Variants in RORA observed in about 807,000 individuals in gnomAD.
RORA encodes nuclear receptor ROR-alpha.
Under a neutral mutation model 69.5 loss-of-function variants are expected in RORA, and 7 were observed. That is an observed-to-expected ratio of 0.10 (90% CI 0.06 to 0.19). The LOEUF (loss-of-function observed/expected upper bound fraction) is 0.19, where lower values mean the gene tolerates loss of function less well. RORA is among the 10% of genes least tolerant of loss of function. The pLI is 1.00. For missense variants in RORA, 457 were observed against 663.0 expected (o/e 0.69, Z 3.41); for synonymous variants, 261 against 240.8 (o/e 1.08, Z -0.78).
chr15:60,764,407 C>T (rs145909795), intron 1 of RORA, among the ~76,000 whole-genome samples: 244 of 152,170 alleles, frequency 1.6e-3, no homozygotes, highest in African/African-American at 5.6e-3. Flanking sequence ...TTTTAGGGTT[C>T]TCTCAGCTCG....
chr15:60,979,753 T>C (rs757601168), intron 1 of RORA, among the ~76,000 whole-genome samples: 8 of 150,050 alleles, frequency 5.3e-5, no homozygotes, highest in Non-Finnish European at 4.5e-5. Flanking sequence ...TGTGTGCACG[T>C]GTGTGTTTCT....
intron 1 of RORA, among the ~76,000 whole-genome samples, chr15:61,177,490 T>C (rs1462221597): frequency 2.0e-5 from 3 of 152,202 alleles, no homozygotes; most frequent in Non-Finnish European, 4.4e-5. Flanking sequence ...TGCACACATG[T>C]TTACAACGAT....
intron 1 of RORA, among the ~76,000 whole-genome samples, chr15:60,734,962 G>A (rs1442288215): frequency 6.6e-6 from 1 of 152,108 alleles, no homozygotes; most frequent in African/African-American, 2.4e-5. Flanking sequence ...GACAACCATG[G>A]GCAGCACAGT....
chr15:60,591,727 C>T (rs1425698919), intron 2 of RORA, among the ~76,000 whole-genome samples: 3 of 152,128 alleles, frequency 2.0e-5, no homozygotes, highest in Non-Finnish European at 2.9e-5. Context: ...CTGGGCCGCC[C>T]AGAGCGTCTT....
chr15:61,160,715 C>G (rs990066653), intron 1 of RORA, among the ~76,000 whole-genome samples: 3 of 152,058 alleles, frequency 2.0e-5, no homozygotes, highest in Non-Finnish European at 4.4e-5. Context: ...TATTTTAGAG[C>G]TATCATAATT....
At position 60,557,999 on chromosome 15, in the gene RORA, T is replaced by C. The variant is rs990556593; in HGVS notation, c.197-26148A>G. ...GTCATCAGAAATTTTATTTTAAAAT[T>C]TATTAGAAATTTGGAGAGCAGGATG... On this transcript the variant is annotated intron_variant, in intron 2 of 10. Coordinates refer to ENST00000335670, the MANE Select transcript of RORA (RefSeq NM_134261.3). 8.5e-6 allele frequency: 3 copies of C among 351,846 alleles called. No individual in the cohort carries two copies. In the East Asian group the frequency reaches 1.3e-4, roughly 15 times the overall value. 21.8% of individuals were successfully genotyped at this position (351,846 alleles called of 1,614,324 possible).
chr15:60,642,440 C>T (rs1329416259), intron 2 of RORA, among the ~76,000 whole-genome samples: 1 of 152,146 alleles, frequency 6.6e-6, no homozygotes, highest in African/African-American at 2.4e-5. Flanking sequence ...TGGCCTCATA[C>T]CTAAGTAAAG....
chr15:61,111,908 T>C (rs1224635404), intron 1 of RORA, among the ~76,000 whole-genome samples: 1 of 152,236 alleles, frequency 6.6e-6, no homozygotes, highest in Non-Finnish European at 1.5e-5. Context: ...CAATATTTAT[T>C]GTGCTTTCAT....
chr15:60,820,555 C>G (rs2072880826), intron 1 of RORA, among the ~76,000 whole-genome samples: 1 of 150,474 alleles, frequency 6.6e-6, no homozygotes, highest in South Asian at 2.1e-4. Context: ...GGCGCATTCT[C>G]TTTTCTGTAA....
chr15:60,979,254 G>A (rs1212295481), intron 1 of RORA, among the ~76,000 whole-genome samples: 1 of 140,720 alleles, frequency 7.1e-6, no homozygotes, highest in Non-Finnish European at 1.5e-5. Flanking sequence ...GTGAGCCACC[G>A]CACCTAGCCC....
chr15:60,724,089 T>C (rs538247818), intron 1 of RORA, among the ~76,000 whole-genome samples: 1 of 152,216 alleles, frequency 6.6e-6, no homozygotes, highest in Non-Finnish European at 1.5e-5. Flanking sequence ...CTTTGTTTTC[T>C]TTCCACCCGG....
chr15:61,007,509 C>A (rs941021422), intron 1 of RORA, among the ~76,000 whole-genome samples: 1 of 151,582 alleles, frequency 6.6e-6, no homozygotes, highest in Non-Finnish European at 1.5e-5. Context: ...ATGTTCAATA[C>A]GTTTGTGTTG....
intron 2 of RORA, among the ~76,000 whole-genome samples, chr15:60,626,847 C>A (rs1455855315): frequency 6.6e-6 from 1 of 152,196 alleles, no homozygotes; most frequent in Non-Finnish European, 1.5e-5. Flanking sequence ...CCATTGGGCT[C>A]ATTCATAGAC....
chr15:60,791,695 C>T (rs548682938), intron 1 of RORA, among the ~76,000 whole-genome samples: 163 of 152,302 alleles, frequency 1.1e-3, no homozygotes, highest in African/African-American at 3.8e-3. Flanking sequence ...ATGAGGGAGA[C>T]TCCAAGGGAC....
intron 1 of RORA, among the ~76,000 whole-genome samples, chr15:60,865,367 G>C (rs1168654518): frequency 6.6e-6 from 1 of 152,216 alleles, no homozygotes; most frequent in Non-Finnish European, 1.5e-5. Context: ...CTGGTAAGTA[G>C]AAGCATATAG....
At chr15:61,009,923 GA>G (rs929217933) in intron 1 of RORA, among the ~76,000 whole-genome samples, 1 of 151,700 alleles carries the variant, frequency 6.6e-6, no homozygotes, top group African/African-American at 2.4e-5. Context: ...CTGCAGCTTG[GA>G]AAAAAAATTG....
intron 1 of RORA, among the ~76,000 whole-genome samples, chr15:61,064,453 A>T (rs1191751894): frequency 6.6e-6 from 1 of 152,194 alleles, no homozygotes; most frequent in Non-Finnish European, 1.5e-5. Flanking sequence ...CCTGGACCAT[A>T]ACCTACTACT....
At chr15:60,698,638 T>C (rs2070939863) in intron 1 of RORA, among the ~76,000 whole-genome samples, 1 of 151,226 alleles carries the variant, frequency 6.6e-6, no homozygotes, top group African/African-American at 2.4e-5. Context: ...GTGTTTTTTT[T>C]TTTTTTTTTG....
At position 60,853,990 on chromosome 15, in the gene RORA, G is replaced by A. The variant is rs373934021; in HGVS notation, c.167-175304C>T. On this transcript the variant is annotated intron_variant, in intron 1 of 10. Coordinates refer to ENST00000335670, the MANE Select transcript of RORA (RefSeq NM_134261.3). ...AGTAAATGATCAGGTACAGTGGGGC[G>A]TGGTGGCTTACTCCTGTAATCCCAG... is the stretch of plus-strand genomic sequence containing the variant. Among the ~76,000 whole-genome samples, 30 of 152,304 alleles carry A rather than the reference G, an allele frequency of 2.0e-4. No homozygotes were observed. In the East Asian group the frequency reaches 3.3e-3, roughly 17 times the overall value.
Sources: gnomAD v4.1 joint callset for allele counts (sites outside exome capture counted in the v4.1 genomes callset) on GRCh38, gnomAD v4.1.1 for gene constraint, MANE v1.5 for transcripts, NCBI Gene and HGNC (gene_info 2026-07-23, HGNC 2026-07-21) for gene names.